Variants in DLGAP3 observed in about 807,000 individuals in gnomAD.
The protein encoded by DLGAP3 is disks large-associated protein 3.
A neutral mutation model predicts 81.2 loss-of-function variants in DLGAP3; 17 were observed. The observed-to-expected ratio is 0.21, with a 90% CI of 0.14 to 0.31. The LOEUF (loss-of-function observed/expected upper bound fraction) is 0.31, where lower values mean the gene tolerates loss of function less well. DLGAP3 is among the 10% of genes least tolerant of loss of function. The pLI is 1.00. For synonymous variants in DLGAP3, 577 were observed against 587.4 expected, an observed-to-expected ratio of 0.98 and a Z score of 0.26; for missense variants, 1,124 against 1,388.0, an observed-to-expected ratio of 0.81 and a Z score of 3.02.
chr1:34,866,569 C>T (rs868847147), intron 11 of DLGAP3, among the ~76,000 whole-genome samples: 1 of 152,166 alleles, frequency 6.6e-6, no homozygotes, highest in South Asian at 2.1e-4. Flanking sequence ...GCCGGTTTTT[C>T]ACTCCGGGTC....
intron 5 of DLGAP3, among the ~76,000 whole-genome samples, chr1:34,897,832 A>G (rs903919666): frequency 2.0e-5 from 3 of 152,196 alleles, no homozygotes; most frequent in Admixed American, 6.5e-5. Context: ...TATATTTTAA[A>G]GGTGGGACCA....
chr1:34,929,310 C>T lies in DLGAP3; in HGVS notation c.-135+141G>A, dbSNP rs900973844. ...CGGGGGCAGCTGAGGAGGCCCAGCC[C>T]CTCCCCCCTCCCGGGGCCGGGAGCC... On this transcript the variant is annotated intron_variant, in intron 1 of 11. Coordinates refer to ENST00000373347, the MANE Select transcript of DLGAP3 (RefSeq NM_001080418.3). This position sits in a 1 kb window ranked among gnomAD's most constrained non-coding sequence, Gnocchi z 6.5. 2 of 150,118 alleles carry T rather than the reference C, an allele frequency of 1.3e-5. No homozygotes were observed. The highest frequency in any genetic ancestry group is 4.9e-5 in the African/African-American group (2 of 41,222). 9.3% of individuals were successfully genotyped at this position (150,118 alleles called of 1,614,324 possible).
chr1:34,924,573 C>T (rs562256255), intron 1 of DLGAP3, among the ~76,000 whole-genome samples: 18 of 152,272 alleles, frequency 1.2e-4, no homozygotes, highest in Admixed American at 3.9e-4. Context: ...CCAGGAAGAC[C>T]GGCGTTCTCT....
At chr1:34,914,864 C>A (rs554770713) in intron 1 of DLGAP3, among the ~76,000 whole-genome samples, 7 of 152,150 alleles carry the variant, frequency 4.6e-5, no homozygotes, top group Admixed American at 1.3e-4. Context: ...ATCTTTTTCA[C>A]GCATGCAGGA....
chr1:34,925,053 G>C (rs1639848346), intron 1 of DLGAP3, among the ~76,000 whole-genome samples: 1 of 152,078 alleles, frequency 6.6e-6, no homozygotes, highest in Admixed American at 6.5e-5. Flanking sequence ...CGACATTGCC[G>C]GCCCCGGTAG....
chr1:34,895,966 G>A lies in DLGAP3; in HGVS notation c.1386+3703C>T, dbSNP rs1328433728. ...CACACACACACACACTACTCAAAGTGGGTCATACATCTAAATATAAATGTT... is the reference window on the plus strand; with the variant it reads ...CACACACACACACACTACTCAAAGTAGGTCATACATCTAAATATAAATGTT... On this transcript the variant is annotated intron_variant, in intron 5 of 11. Transcript: ENST00000373347. The surrounding 1 kb of genome is among the most constrained non-coding windows in gnomAD (Gnocchi z 4.5). Among the ~76,000 whole-genome samples, 1 of 150,422 alleles carries A rather than the reference G, an allele frequency of 6.6e-6. No homozygotes were observed. The highest frequency in any genetic ancestry group is 1.5e-5 in the Non-Finnish European group (1 of 67,582).
At chr1:34,885,910 C>G (rs953689296) in intron 6 of DLGAP3, 119 bp from the exon 7 acceptor site, 18 of 1,134,438 alleles carry the variant, frequency 1.6e-5, no homozygotes, top group Non-Finnish European at 2.1e-5. Context: ...GGCGCGCACT[C>G]CACATGCTGC....
chr1:34,912,054 C>T (rs1210009447), intron 1 of DLGAP3, among the ~76,000 whole-genome samples: 1 of 152,226 alleles, frequency 6.6e-6, no homozygotes, highest in African/African-American at 2.4e-5. Flanking sequence ...TGATTCACCT[C>T]TCTTAACCTG....
Position 34,904,263 on chromosome 1 carries a change from C to T in DLGAP3, c.1107+14G>A, listed in dbSNP as rs780651908. 6.2e-7 allele frequency: 1 copy of T among 1,601,236 alleles called. No individual in the cohort carries two copies. The highest frequency in any genetic ancestry group is 2.2e-5 in the East Asian group (1 of 44,870). On this transcript the variant is annotated intron_variant, in intron 3 of 11. Transcript: ENST00000373347. This position sits in a 1 kb window ranked among gnomAD's most constrained non-coding sequence, Gnocchi z 8.1. ...GGCTAAGGACTCTGTTCCCCAACCC[C>T]AAAAAAGCCTCACCTGCAGATAGTG... is the stretch of plus-strand genomic sequence containing the variant.
intron 1 of DLGAP3, among the ~76,000 whole-genome samples, chr1:34,913,548 G>A (rs1639670544): frequency 1.3e-5 from 2 of 152,128 alleles, no homozygotes; most frequent in South Asian, 4.1e-4. Flanking sequence ...TGCCCTCAGA[G>A]CACTGATTGC....
chr1:34,901,595 T>C (rs990848996), intron 3 of DLGAP3, among the ~76,000 whole-genome samples: 6 of 152,152 alleles, frequency 3.9e-5, no homozygotes, highest in African/African-American at 9.7e-5. Context: ...GTGGCAAAGA[T>C]AAATGAGCCA....
intron 5 of DLGAP3, among the ~76,000 whole-genome samples, chr1:34,899,364 G>A (rs1931060): frequency 0.22 from 33,999 of 152,172 alleles, 5,817 homozygotes; most frequent in East Asian, 0.91. Flanking sequence ...CACTGCACCC[G>A]GCCAATCCTA....
At chr1:34,919,729 G>A (rs138156156) in intron 1 of DLGAP3, among the ~76,000 whole-genome samples, 1,760 of 152,282 alleles carry the variant, frequency 0.012, 44 homozygotes, top group African/African-American at 0.039. Context: ...GCAGTAAGCT[G>A]AGATCATGCC....
In DLGAP3 at chr1:34,886,103, G is replaced by T. The variant is rs146470318; in HGVS notation, c.1569C>A (p.Thr523=). The T allele has an allele frequency of 2.3e-5, 37 of 1,607,092 alleles. No homozygotes were observed. Among genetic ancestry groups the T allele is most frequent in the Non-Finnish European group, 3.0e-5 (35 of 1,178,036 alleles). ...CGGGCCTCCCTGAGACAGCGGCAGG[G>T]GTAGCGAGGAGGGGCAGGCAGTCGT... ...QDDDCLPLLA[T]PAAVSGRPGS... The change falls in exon 6 of 12, where the codon ACC becomes ACA. Residue 523 remains threonine, a synonymous_variant. Coordinates refer to ENST00000373347, the MANE Select transcript of DLGAP3 (RefSeq NM_001080418.3).
chr1:34,913,272 G>A (rs547705706), intron 1 of DLGAP3, among the ~76,000 whole-genome samples: 3 of 152,212 alleles, frequency 2.0e-5, no homozygotes, highest in African/African-American at 4.8e-5. Context: ...CAAAACACTC[G>A]AGCCATTTAG....
Position 34,868,741 on chromosome 1 carries a change from G to A in DLGAP3, c.2349C>T (p.Pro783=), listed in dbSNP as rs373836246. 450 of 1,608,514 alleles carry A rather than the reference G, an allele frequency of 2.8e-4. 2 individuals are homozygous for A. The highest frequency in any genetic ancestry group is 2.1e-3 in the Admixed American group (126 of 60,006). The part of the protein sequence containing the change: ...SWIERGSRSL[P]DSGRASPCPR... ...GGCAGGGGGATGCGCGGCCTGAGTC[G>A]GGGAGGCTACGTGAACCGCGCTCTA... Residue 783 remains proline (P), a synonymous_variant, in exon 9 of 12, where the codon CCC becomes CCT. Transcript: ENST00000373347. This position sits in a 1 kb window ranked among gnomAD's most constrained non-coding sequence, Gnocchi z 7.5.
At position 34,885,048 on chromosome 1, in the gene DLGAP3, C is replaced by T. The variant is rs760352081; in HGVS notation, c.1930G>A (p.Asp644Asn). ...CGGCTCCTGTTCTCGGTGTCCGAAT[C>T]TGAGATCGTCTCCACCTGGTGGCAG... ...SIGVQVETISDSDTENRSRRE... is the reference protein window; with the variant it reads ...SIGVQVETISNSDTENRSRRE... Residue 644 changes from aspartate to asparagine, a missense_variant, in exon 8 of 12, where the codon GAT (aspartate) becomes AAT (asparagine). Physicochemically the swap from Asp to Asn is conservative, Grantham distance 23. Coordinates refer to ENST00000373347, the MANE Select transcript of DLGAP3 (RefSeq NM_001080418.3). The T allele has an allele frequency of 1.2e-6, 2 of 1,613,450 alleles. No homozygotes were observed. The highest frequency in any genetic ancestry group is 1.7e-6 in the Non-Finnish European group (2 of 1,179,902).
At chr1:34,878,625 G>A (rs1639096700) in intron 8 of DLGAP3, among the ~76,000 whole-genome samples, 1 of 152,078 alleles carries the variant, frequency 6.6e-6, no homozygotes, top group Admixed American at 6.5e-5. Flanking sequence ...CACAATCATG[G>A]TGAGACATTT....
chr1:34,899,625 C>G, intron 5 of DLGAP3, 44 bp downstream of exon 5: 2 of 1,492,802 alleles, frequency 1.3e-6, no homozygotes, highest in Non-Finnish European at 1.9e-6. Context: ...GGGACTGAAT[C>G]CCTTTTTCAC....
Sources: allele counts gnomAD v4.1 joint callset (sites outside exome capture counted in the v4.1 genomes callset), GRCh38; gene constraint gnomAD v4.1.1; non-coding constraint Gnocchi (gnomAD v3.1); transcripts MANE v1.5; gene names NCBI Gene and HGNC (gene_info 2026-07-23, HGNC 2026-07-21).